The following PSG2 variants were observed in gnomAD, a reference collection of about 807,000 sequenced individuals.
PSG2 encodes the protein pregnancy specific beta-1-glycoprotein 2, also known as pregnancy-specific beta-1-glycoprotein 2.
Under a neutral mutation model 36.2 loss-of-function variants are expected in PSG2, and 49 were observed. The ratio of observed to expected loss-of-function variants is 1.35; its 90% confidence interval spans 1.08 to 1.72. PSG2 has a LOEUF of 1.72. PSG2 is among the 40% of genes most tolerant of loss of function. The probability of loss-of-function intolerance (pLI) is 0.00; values close to 1 mark genes in which losing one functional copy is unlikely to be tolerated. For synonymous variants in PSG2, 261 were observed against 155.6 expected (o/e 1.68, Z -5.04); for missense variants, 605 against 407.2 (o/e 1.49, Z -4.18).
rs769965176 is a variant in PSG2 at position 43,075,438 on chromosome 19, T to C, written c.625A>G (p.Lys209Glu). 1.2e-5 allele frequency: 19 copies of C among 1,613,184 alleles called. No homozygotes were observed. In the South Asian group the frequency reaches 1.9e-4, roughly 16 times the overall value. Residue 209 changes from lysine to glutamate, a missense_variant, in exon 3 of 6, where the codon AAG becomes GAG. By Grantham distance (56) the Lys-to-Glu change is moderately conservative (BLOSUM62 1). Coordinates refer to ENST00000406487, the MANE Select transcript of PSG2 (RefSeq NM_031246.4). ...CATTCATAGGGTCCTGCAGTATACT[T>C]TGTGACACCAAATAGAAAGAGGGTC... ...NRTLFLFGVT[K>E]YTAGPYECEI... is the part of the protein sequence containing the mutation.
intron 2 of PSG2, among the ~76,000 whole-genome samples, chr19:43,076,948 G>C (rs1295026070): frequency 7.0e-6 from 1 of 142,030 alleles, no homozygotes; most frequent in African/African-American, 3.0e-5. Context: ...GGTCAGAAGG[G>C]TTGAGTTTTG....
intron 5 of PSG2, 32 bp downstream of exon 5, chr19:43,066,485 A>G (rs1967740647): frequency 6.9e-7 from 1 of 1,449,592 alleles, no homozygotes; most frequent in African/African-American, 1.4e-5. Context: ...TCAGCTCTGC[A>G]GGAACCAGGA....
chr19:43,067,350 A>T (rs1388789818), intron 4 of PSG2, among the ~76,000 whole-genome samples: 1 of 151,214 alleles, frequency 6.6e-6, no homozygotes, highest in Non-Finnish European at 1.5e-5. Flanking sequence ...GGTAAATACT[A>T]ACATACCAGG....
intron 1 of PSG2, chr19:43,081,638 C>A (rs888208510): frequency 1.4e-5 from 3 of 218,966 alleles, no homozygotes; most frequent in African/African-American, 4.6e-5. Context: ...CTGACCTTTC[C>A]CTGCTCTGCT....
rs887565307 is a variant in PSG2, at chr19:43,072,563, G to A, written c.710-609C>T. The A allele has an allele frequency of 1.2e-5, 19 of 1,611,150 alleles. 2 individuals are homozygous for A. The African/African-American group carries it at 2.6e-4, about 22-fold the overall frequency. On this transcript the variant is annotated intron_variant, in intron 3 of 5. Transcript: ENST00000406487. ...CTCACTCTTAGGTTCACAGGTGAAG[G>A]CTAATACATCCTTATTCTCCCTGGG... is the stretch of plus-strand genomic sequence containing the variant.
intron 2 of PSG2, among the ~76,000 whole-genome samples, chr19:43,076,473 A>T (rs577330513): frequency 1.1e-4 from 17 of 151,928 alleles, no homozygotes; most frequent in African/African-American, 3.6e-4. Context: ...GAAAGGGTGA[A>T]CATGAACTGA....
At position 43,075,688 on chromosome 19, in the gene PSG2, G is replaced by A. The variant is rs1437401606; in HGVS notation, c.431-56C>T. 2.3e-5 allele frequency: 36 copies of A among 1,564,814 alleles called. 1 individual carries two copies. The highest frequency in any genetic ancestry group is 2.9e-5 in the Non-Finnish European group (33 of 1,156,454). On this transcript the variant is annotated intron_variant, in intron 2 of 5. Coordinates refer to ENST00000406487, the MANE Select transcript of PSG2 (RefSeq NM_031246.4). ...GTGTGGCACCTTTGATTCCTCCAAA[G>A]GCATTTTTCAATCAGAGTTGGCATT...
intron 1 of PSG2, chr19:43,082,187 C>T: frequency 5.9e-6 from 1 of 168,636 alleles, no homozygotes; most frequent in Admixed American, 8.4e-5. Context: ...GTCGCCCAGG[C>T]TGGTATGCAG....
intron 4 of PSG2, among the ~76,000 whole-genome samples, chr19:43,067,583 G>C (rs1467601935): frequency 6.6e-6 from 1 of 151,228 alleles, no homozygotes; most frequent in Non-Finnish European, 1.5e-5. Context: ...TTTCCATTTT[G>C]GCAATGAAAA....
At chr19:43,073,985 C>T (rs2122905641) in intron 3 of PSG2, among the ~76,000 whole-genome samples, 1 of 151,716 alleles carries the variant, frequency 6.6e-6, no homozygotes, top group East Asian at 1.9e-4. Flanking sequence ...GATATTCTTG[C>T]CCTTTTTTTT....
Position 43,071,729 on chromosome 19 carries a change from C to T in PSG2, c.935G>A (p.Ser312Asn), listed in dbSNP as rs372430528. The change falls in exon 4 of 6, where the codon AGC becomes AAC. Residue 312 changes from serine (S) to asparagine (N), a missense_variant. Coordinates refer to ENST00000406487, the MANE Select transcript of PSG2 (RefSeq NM_031246.4). ...SVRNSATGEESSTSLTVKVSA... is the reference protein window; with the variant it reads ...SVRNSATGEENSTSLTVKVSA... ...GACTTTGACTGTCAACGATGTGGAG[C>T]TTTCCTCGCCAGTGGCTGAGTTACG... 5 of 1,612,974 alleles carry T rather than the reference C, an allele frequency of 3.1e-6. No individual in the cohort carries two copies. The highest frequency in any genetic ancestry group is 1.1e-5 in the South Asian group (1 of 91,048).
At chr19:43,081,401 A>G (rs1967973606) in intron 1 of PSG2, among the ~76,000 whole-genome samples, 155 bp from the exon 2 acceptor site, 1 of 143,168 alleles carries the variant, frequency 7.0e-6, no homozygotes, top group Non-Finnish European at 1.5e-5. Flanking sequence ...ACACACACAA[A>G]AGGGGCATGT....
intron 3 of PSG2, chr19:43,072,357 C>T (rs1480330722): frequency 1.9e-6 from 3 of 1,612,560 alleles, no homozygotes; most frequent in Non-Finnish European, 2.5e-6. Flanking sequence ...ATACAGAGGA[C>T]ATTCAGGGTG....
At chr19:43,071,433 A>T (rs1447731632) in intron 4 of PSG2, among the ~76,000 whole-genome samples, 1 of 151,650 alleles carries the variant, frequency 6.6e-6, no homozygotes, top group African/African-American at 2.4e-5. Flanking sequence ...CCCTCTGTGA[A>T]GCCTCTTCTA....
Position 43,078,691 on chromosome 19 carries a change from G to A in PSG2, c.430+2190C>T, listed in dbSNP as rs544876929. Among the ~76,000 whole-genome samples the A allele has an allele frequency of 9.2e-5, 14 of 151,692 alleles. No homozygotes were observed. In the South Asian group the frequency reaches 2.7e-3, roughly 29 times the overall value. ...AAATCTCTAAGCCCTGATCCACTGG[G>A]GAGGCTGATTTGAGTAATAATAAAC... On this transcript the variant is annotated intron_variant, in intron 2 of 5. Coordinates refer to ENST00000406487, the MANE Select transcript of PSG2 (RefSeq NM_031246.4).
At chr19:43,064,783 G>T (rs1368030269) in intron 5 of PSG2, among the ~76,000 whole-genome samples, 182 bp from the exon 6 acceptor site, 2 of 151,738 alleles carry the variant, frequency 1.3e-5, no homozygotes, top group Non-Finnish European at 1.5e-5. Flanking sequence ...ATGACACTAT[G>T]ATAACATATT....
Position 43,081,131 on chromosome 19 carries a change from C to A in PSG2, c.180G>T (p.Gln60His). 6.2e-7 allele frequency: 1 copy of A among 1,612,782 alleles called. No individual in the cohort carries two copies. Among genetic ancestry groups the A allele is most frequent in the South Asian group, 1.1e-5 (1 of 91,040 alleles). The change falls in exon 2 of 6, where the codon CAG becomes CAT. Residue 60 changes from glutamine (Q) to histidine (H), a missense_variant. Gln to His is a conservative substitution (Grantham distance 24). Transcript: ENST00000406487. ...TGTACCAGATGTAGCCAGTAAGATT[C>A]TGGGGCAAATTGTGGACAAGTAGAA... ...DVLLLVHNLP[Q>H]NLTGYIWYKG...
At position 43,064,284 on chromosome 19, in the gene PSG2, G is replaced by A. The variant is rs1967709796; in HGVS notation, c.*358C>T. The A allele has an allele frequency of 4.6e-6, 1 of 217,080 alleles. No individual in the cohort carries two copies. The highest frequency in any genetic ancestry group is 9.2e-6 in the Non-Finnish European group (1 of 108,204). The allele number at this position is 217,080 out of a possible 1,614,324, so 13.4% of individuals were successfully genotyped here. A position where few individuals can be genotyped will look rare whatever the true frequency, so the allele number is the denominator to read the frequency against. On this transcript the variant is annotated 3_prime_UTR_variant, in exon 6 of 6. Transcript: ENST00000406487. ...TAGATTCCCAATTCTGGGGCACTCA[G>A]ATAGAGAGCAAAAGGAAATGTTTCA...
intron 2 of PSG2, among the ~76,000 whole-genome samples, chr19:43,077,826 G>C (rs1312823052): frequency 4.0e-5 from 6 of 151,732 alleles, no homozygotes; most frequent in Non-Finnish European, 8.8e-5. Context: ...GAACTTTCCT[G>C]TTTCAGTTTT....
Sources: allele counts gnomAD v4.1 joint callset (sites outside exome capture counted in the v4.1 genomes callset), GRCh38; gene constraint gnomAD v4.1.1; transcripts MANE v1.5; gene names NCBI Gene and HGNC (gene_info 2026-07-23, HGNC 2026-07-21).